The following DIAPH1 variants were observed in gnomAD, a reference collection of about 807,000 sequenced individuals.
The protein encoded by DIAPH1 is diaphanous related formin 1, also known as protein diaphanous homolog 1.
Under a neutral mutation model 140.7 loss-of-function variants are expected in DIAPH1, and 46 were observed. The observed-to-expected ratio is 0.33, with a 90% confidence interval of 0.26 to 0.42. DIAPH1 has a LOEUF of 0.42. Among genes scored for constraint, DIAPH1 ranks in the 10% least tolerant of loss-of-function variants. The pLI is 1.00. For missense variants in DIAPH1, 1,310 were observed against 1,558.7 expected, an observed-to-expected ratio of 0.84 and a Z score of 2.69; for synonymous variants, 565 against 551.6, an observed-to-expected ratio of 1.02 and a Z score of -0.34.
chr5:141,614,321 TC>T (rs748534574), intron 1 of DIAPH1, among the ~76,000 whole-genome samples: 5 of 152,176 alleles, frequency 3.3e-5, no homozygotes, highest in African/African-American at 4.8e-5. Flanking sequence ...ATACAACTTA[TC>T]TTTTAAATCT....
At chr5:141,537,316 T>A (rs1358562063) in intron 18 of DIAPH1, among the ~76,000 whole-genome samples, 1 of 151,110 alleles carries the variant, frequency 6.6e-6, no homozygotes, top group Non-Finnish European at 1.5e-5. Flanking sequence ...AAACCCTGTC[T>A]CTACTAAAAA....
chr5:141,583,182 T>G (rs765623918), intron 6 of DIAPH1, 24 bp downstream of exon 6: 3 of 1,603,460 alleles, frequency 1.9e-6, no homozygotes, highest in Non-Finnish European at 2.6e-6. Flanking sequence ...CAACTTGAAG[T>G]TGCAAAGACT....
chr5:141,591,695 G>GAGATATATATATATATAT (rs1212743856), intron 1 of DIAPH1, among the ~76,000 whole-genome samples: 10 of 86,322 alleles, frequency 1.2e-4, no homozygotes, highest in African/African-American at 3.4e-4. Flanking sequence ...GGGAGATGGG[G>GAGATATATATATATATAT]ATATATATAT....
intron 13 of DIAPH1, 37 bp from the exon 14 acceptor site, chr5:141,576,331 T>C: frequency 6.7e-7 from 1 of 1,486,152 alleles, no homozygotes. Context: ...AAGCTCCTAA[T>C]TCTCTTGTTC....
chr5:141,602,627 G>T (rs1024910053), intron 1 of DIAPH1, among the ~76,000 whole-genome samples: 3 of 152,142 alleles, frequency 2.0e-5, no homozygotes, highest in Admixed American at 6.5e-5. Context: ...TGTCTCAGAG[G>T]ACTAGTATGA....
intron 5 of DIAPH1, 61 bp downstream of exon 5, chr5:141,583,424 A>G (rs750058224): frequency 6.2e-5 from 100 of 1,613,582 alleles, no homozygotes; most frequent in Middle Eastern, 1.7e-4. Flanking sequence ...TTGATCTTCA[A>G]TCACCACCAG....
chr5:141,612,925 T>C (rs546635759), intron 1 of DIAPH1, among the ~76,000 whole-genome samples: 1 of 152,322 alleles, frequency 6.6e-6, no homozygotes, highest in South Asian at 2.1e-4. Context: ...AAATGGTTTA[T>C]AAATCATCCT....
intron 1 of DIAPH1, among the ~76,000 whole-genome samples, chr5:141,590,659 TAAGA>T (rs1269951022): frequency 2.6e-5 from 4 of 151,494 alleles, no homozygotes; most frequent in African/African-American, 9.7e-5. Context: ...CAAACAACTC[TAAGA>T]TAGATGTAAT....
intron 1 of DIAPH1, among the ~76,000 whole-genome samples, chr5:141,607,677 A>C (rs548853618): frequency 5.9e-5 from 9 of 152,358 alleles, no homozygotes; most frequent in Admixed American, 2.6e-4. Flanking sequence ...CCTTTCTTAA[A>C]TGGTTCTACT....
chr5:141,578,812 A>G (rs2099896330), intron 9 of DIAPH1, among the ~76,000 whole-genome samples, 187 bp from the exon 10 acceptor site: 1 of 152,138 alleles, frequency 6.6e-6, no homozygotes, highest in African/African-American at 2.4e-5. Flanking sequence ...CTAAACTCTA[A>G]ATGGTTTCAA....
intron 27 of DIAPH1, among the ~76,000 whole-genome samples, chr5:141,518,092 C>T (rs909201403): frequency 1.3e-5 from 2 of 152,184 alleles, no homozygotes; most frequent in African/African-American, 4.8e-5. Flanking sequence ...CCAGCACAGG[C>T]AAACCCAGAG....
intron 1 of DIAPH1, among the ~76,000 whole-genome samples, chr5:141,595,568 G>A (rs2099899184): frequency 6.6e-6 from 1 of 152,122 alleles, no homozygotes; most frequent in African/African-American, 2.4e-5. Flanking sequence ...AAATCTTATG[G>A]TTTTGTAAGC....
At chr5:141,618,526 G>T in intron 1 of DIAPH1, 1 of 358,350 alleles carries the variant, frequency 2.8e-6, no homozygotes, top group Non-Finnish European at 5.2e-6. Flanking sequence ...CTGAGAGCCG[G>T]CCGGGGATAT....
intron 9 of DIAPH1, 69 bp downstream of exon 9, chr5:141,579,019 G>T: frequency 8.5e-7 from 1 of 1,173,422 alleles, no homozygotes; most frequent in Non-Finnish European, 1.3e-6. Flanking sequence ...TTTATTAAAA[G>T]GTCAAATGAA....
chr5:141,613,507 T>C (rs1483349683), intron 1 of DIAPH1, among the ~76,000 whole-genome samples: 1 of 152,202 alleles, frequency 6.6e-6, no homozygotes, highest in Non-Finnish European at 1.5e-5. Flanking sequence ...CCCTGATGTT[T>C]CCAACCTACA....
At chr5:141,554,978 A>G (rs904014983) in intron 18 of DIAPH1, among the ~76,000 whole-genome samples, 1 of 152,128 alleles carries the variant, frequency 6.6e-6, no homozygotes, top group Non-Finnish European at 1.5e-5. Context: ...TTCAGTTGTA[A>G]CTGGAAGGGG....
At chr5:141,594,250 G>A (rs1436066793) in intron 1 of DIAPH1, among the ~76,000 whole-genome samples, 1 of 152,292 alleles carries the variant, frequency 6.6e-6, no homozygotes, top group East Asian at 1.9e-4. Flanking sequence ...AAGTGAAAAC[G>A]TATGTCCACA....
intron 1 of DIAPH1, among the ~76,000 whole-genome samples, chr5:141,613,595 A>C (rs1484710958): frequency 6.6e-6 from 1 of 152,212 alleles, no homozygotes; most frequent in Non-Finnish European, 1.5e-5. Flanking sequence ...CTGAAGTTTT[A>C]AGGGTACCAT....
chr5:141,528,428 C>G (rs1447784947), intron 23 of DIAPH1, 25 bp downstream of exon 23: 2 of 1,613,966 alleles, frequency 1.2e-6, no homozygotes, highest in Non-Finnish European at 1.7e-6. Flanking sequence ...CTTTTGGGCT[C>G]TAGCTTCATT....
Sources: gnomAD v4.1 joint callset for allele counts (sites outside exome capture counted in the v4.1 genomes callset) on GRCh38, gnomAD v4.1.1 for gene constraint, MANE v1.5 for transcripts, NCBI Gene and HGNC (gene_info 2026-07-23, HGNC 2026-07-21) for gene names.